The following BICDL1 variants were observed in gnomAD, a reference collection of about 807,000 sequenced individuals.
The protein encoded by BICDL1 is BICD family-like cargo adapter 1.
BICDL1 carries 20 observed loss-of-function variants against 76.8 expected under a neutral mutation model. The ratio of observed to expected loss-of-function variants is 0.26; its 90% CI spans 0.18 to 0.38. The LOEUF is 0.38. Ranked by LOEUF, BICDL1 falls within the 10% of genes least tolerant of loss-of-function variation. BICDL1 has a pLI of 1.00. For missense variants in BICDL1, 700 were observed against 798.6 expected (o/e 0.88, Z 1.49); for synonymous variants, 383 against 337.1 (o/e 1.14, Z -1.49).
chr12:120,056,643 G>T (rs1283551375), intron 2 of BICDL1, among the ~76,000 whole-genome samples: 1 of 152,174 alleles, frequency 6.6e-6, no homozygotes, highest in African/African-American at 2.4e-5. Flanking sequence ...CTTGAACCTG[G>T]GAGGCAGAGG....
At chr12:120,001,750 T>C (rs912317859) in intron 2 of BICDL1, among the ~76,000 whole-genome samples, 1 of 152,140 alleles carries the variant, frequency 6.6e-6, no homozygotes, top group Non-Finnish European at 1.5e-5. Context: ...ATTTACCCTT[T>C]AAAAGGGTAC....
chr12:120,093,808 CCT>C lies in BICDL1; in HGVS notation c.*648_*649del, dbSNP rs1000648891. On this transcript the variant is annotated 3_prime_UTR_variant, in exon 10 of 10. Transcript: ENST00000548673. ...CCAGGGAGGAAGAAGGCCCTGTCCC[CCT>C]GTCGCCACTGCTCTCCCTCCCAGCC... The C allele has an allele frequency of 5.4e-6, 1 of 185,066 alleles. No individual in the cohort carries two copies. Among genetic ancestry groups the C allele is most frequent in the Non-Finnish European group, 1.1e-5 (1 of 87,016 alleles). The allele number at this position is 185,066 out of a possible 1,614,324, so 11.5% of individuals were successfully genotyped here.
intron 2 of BICDL1, among the ~76,000 whole-genome samples, chr12:120,037,134 T>C (rs1234523001): frequency 2.0e-5 from 3 of 152,232 alleles, no homozygotes; most frequent in African/African-American, 7.2e-5. Context: ...AGTTACTCAG[T>C]GCCTAACATG....
chr12:120,027,625 C>G (rs182668754), intron 2 of BICDL1, among the ~76,000 whole-genome samples: 26 of 152,240 alleles, frequency 1.7e-4, no homozygotes, highest in African/African-American at 5.8e-4. Flanking sequence ...TTCTTGTGTT[C>G]TGTCATGGCT....
rs1311892364 is a variant in BICDL1 at position 120,061,829 on chromosome 12, G to A, written c.762+3G>A. 6.2e-7 allele frequency: 1 copy of A among 1,606,564 alleles called. No homozygotes were observed. The highest frequency in any genetic ancestry group is 8.5e-7 in the Non-Finnish European group (1 of 1,173,252). On this transcript the variant is annotated splice_donor_region_variant and intron_variant, in intron 3 of 9. Coordinates refer to ENST00000548673, the MANE Select transcript of BICDL1 (RefSeq NM_001367886.1). ...GGCTGGAGAGCCTTCAGGCCGAGGT[G>A]AGCCTCCCGACACAGCAGTGCTGGA...
intron 2 of BICDL1, among the ~76,000 whole-genome samples, chr12:120,060,194 CA>C (rs1487415107): frequency 6.6e-6 from 1 of 152,158 alleles, no homozygotes; most frequent in Admixed American, 6.5e-5. Context: ...GATTCTTAGG[CA>C]AAAGTGAATG....
At chr12:120,048,520 T>C (rs1436678429) in intron 2 of BICDL1, among the ~76,000 whole-genome samples, 9 of 152,190 alleles carry the variant, frequency 5.9e-5, no homozygotes, top group African/African-American at 2.2e-4. Context: ...GCACATTGCC[T>C]GTCTGATGTG....
intron 1 of BICDL1, among the ~76,000 whole-genome samples, chr12:119,998,291 A>G (rs1390169332): frequency 1.3e-5 from 2 of 152,302 alleles, no homozygotes; most frequent in East Asian, 3.9e-4. Context: ...AAACATAATA[A>G]CTTTAAGTAT....
At chr12:120,089,840 G>A in intron 8 of BICDL1, 111 bp from the exon 9 acceptor site, 3 of 1,324,408 alleles carry the variant, frequency 2.3e-6, no homozygotes, top group Non-Finnish European at 3.1e-6. Context: ...TTTGTTGTGA[G>A]TTCAGGGTCA....
intron 7 of BICDL1, 81 bp from the exon 8 acceptor site, chr12:120,080,806 G>A: frequency 5.9e-6 from 9 of 1,531,126 alleles, no homozygotes; most frequent in Non-Finnish European, 8.0e-6. Flanking sequence ...TCCTGCCTGG[G>A]GTCTCTTTGT....
chr12:120,005,192 G>GA (rs1951828701), intron 2 of BICDL1, among the ~76,000 whole-genome samples: 1 of 152,128 alleles, frequency 6.6e-6, no homozygotes, highest in South Asian at 2.1e-4. Context: ...TGTTCACTGT[G>GA]AAATAATATT....
At chr12:120,020,232 T>C (rs1193647377) in intron 2 of BICDL1, among the ~76,000 whole-genome samples, 1 of 152,190 alleles carries the variant, frequency 6.6e-6, no homozygotes, top group Non-Finnish European at 1.5e-5. Context: ...TAAAATCTAA[T>C]GGAATAATTA....
At chr12:120,057,165 A>C in intron 2 of BICDL1, 1 of 512,416 alleles carries the variant, frequency 2.0e-6, no homozygotes, top group Non-Finnish European at 3.9e-6. Flanking sequence ...GAGAAATTAC[A>C]TGGACAAGTA....
chr12:119,998,764 G>C lies in BICDL1; in HGVS notation c.645+28G>C, dbSNP rs1377063554. 1.9e-6 allele frequency: 3 copies of C among 1,594,582 alleles called. No individual in the cohort carries two copies. The South Asian group carries it at 3.4e-5, about 18-fold the overall frequency. On this transcript the variant is annotated intron_variant, in intron 2 of 9. Coordinates refer to ENST00000548673, the MANE Select transcript of BICDL1 (RefSeq NM_001367886.1). ...GAGTCACAAATTAAGAATTTAAGAT[G>C]TAAAATACTAAAAGTTGAAATAGGC...
In BICDL1 at chr12:120,071,586, T is replaced by A; in HGVS notation, c.910-36T>A. 1 of 1,558,622 alleles carries A rather than the reference T, an allele frequency of 6.4e-7. No homozygotes were observed. Among genetic ancestry groups the A allele is most frequent in the South Asian group, 1.2e-5 (1 of 82,812 alleles). On this transcript the variant is annotated intron_variant, in intron 4 of 9. Transcript: ENST00000548673. This position sits in a 1 kb window ranked among gnomAD's most constrained non-coding sequence, Gnocchi z 4.8. ...GGTCAGTTTGTCTTGGTTTTTGTGT[T>A]TGGTAAACCTCAACCATTTGCTCTT...
intron 2 of BICDL1, among the ~76,000 whole-genome samples, chr12:120,031,767 C>T (rs1015850199): frequency 1.3e-5 from 2 of 152,056 alleles, no homozygotes. Context: ...TCGAAAAGGC[C>T]ATTTTATGTC....
intron 2 of BICDL1, among the ~76,000 whole-genome samples, chr12:120,046,026 G>A (rs536126159): frequency 1.3e-5 from 2 of 152,200 alleles, no homozygotes; most frequent in Non-Finnish European, 2.9e-5. Flanking sequence ...TTCCAAGGTG[G>A]ACATGTTCTT....
Position 120,093,422 on chromosome 12 carries a change from G to A in BICDL1, c.*261G>A, listed in dbSNP as rs1318123317. ...TGGGCTTCTCCAGGACCACGTGCTT[G>A]AGCAGGGTTAGGCCACCTCCCAGAG... On this transcript the variant is annotated 3_prime_UTR_variant, in exon 10 of 10. Transcript: ENST00000548673. The A allele has an allele frequency of 2.0e-6, 1 of 498,242 alleles. No individual in the cohort carries two copies. The highest frequency in any genetic ancestry group is 3.6e-6 in the Non-Finnish European group (1 of 275,408). 30.9% of individuals were successfully genotyped at this position (498,242 alleles called of 1,614,324 possible).
chr12:120,061,957 T>G, intron 3 of BICDL1, 131 bp downstream of exon 3: 1 of 645,758 alleles, frequency 1.5e-6, no homozygotes, highest in South Asian at 1.9e-5. Context: ...ATGGGAAACA[T>G]TTGATCTGTT....
Sources: gnomAD v4.1 joint callset for allele counts (sites outside exome capture counted in the v4.1 genomes callset) on GRCh38, gnomAD v4.1.1 for gene constraint, Gnocchi (gnomAD v3.1) non-coding constraint, MANE v1.5 for transcripts, NCBI Gene and HGNC (gene_info 2026-07-23, HGNC 2026-07-21) for gene names.